The following FHDC1 variants were observed in gnomAD, a reference collection of about 807,000 sequenced individuals.
The protein encoded by FHDC1 is FH2 domain-containing protein 1.
A neutral mutation model predicts 52.6 loss-of-function variants in FHDC1; 25 were observed. The observed-to-expected ratio is 0.48, with a 90% CI of 0.35 to 0.66. The LOEUF (loss-of-function observed/expected upper bound fraction) is 0.66, where lower values mean the gene tolerates loss of function less well. Ranked by LOEUF, FHDC1 falls within the 30% of genes least tolerant of loss-of-function variation. FHDC1 has a pLI of 0.01. For synonymous variants in FHDC1, 616 were observed against 581.5 expected (o/e 1.06, Z -0.85); for missense variants, 1,459 against 1,452.8 (o/e 1.00, Z -0.07).
At position 152,977,039 on chromosome 4, in the gene FHDC1, T is replaced by A; in HGVS notation, c.*316T>A. On this transcript the variant is annotated 3_prime_UTR_variant, in exon 12 of 12. Transcript: ENST00000511601. ...GTAGGAGTGTAAAGTGACATTCTTA[T>A]GAAACAAGTCAAAAAAGTTTTTTTC... 4.3e-6 allele frequency: 1 copy of A among 230,518 alleles called. No homozygotes were observed. The highest frequency in any genetic ancestry group is 8.3e-6 in the Non-Finnish European group (1 of 120,870). The allele number at this position is 230,518 out of a possible 1,614,324, so 14.3% of individuals were successfully genotyped here.
chr4:152,973,194 T>A (rs945728314), intron 11 of FHDC1, among the ~76,000 whole-genome samples: 2 of 152,244 alleles, frequency 1.3e-5, no homozygotes, highest in African/African-American at 4.8e-5. Context: ...AGTAAAACTT[T>A]AATTCATCAA....
intron 1 of FHDC1, among the ~76,000 whole-genome samples, chr4:152,936,848 G>A (rs556225749): frequency 1.3e-5 from 2 of 152,392 alleles, no homozygotes; most frequent in South Asian, 4.1e-4. Flanking sequence ...CGCACGGAAT[G>A]CGCAGCCGCG....
chr4:152,940,383 A>C (rs1256077369), intron 1 of FHDC1, among the ~76,000 whole-genome samples: 1 of 152,254 alleles, frequency 6.6e-6, no homozygotes, highest in African/African-American at 2.4e-5. Flanking sequence ...ACATTCTTTT[A>C]CATGGGGCAT....
chr4:152,917,742 C>A, the FHDC1 span, among the ~76,000 whole-genome samples: 2,422 of 152,248 alleles, frequency 0.016, 60 homozygotes, highest in African/African-American at 0.055. Flanking sequence ...GGTCAGCTTG[C>A]CTGTGTTGAC....
At chr4:152,958,810 A>G (rs571971543) in intron 4 of FHDC1, among the ~76,000 whole-genome samples, 3 of 152,232 alleles carry the variant, frequency 2.0e-5, no homozygotes, top group Non-Finnish European at 2.9e-5. Context: ...CAGAAGTGCC[A>G]TGTGCCCTTA....
At chr4:152,973,460 T>C (rs1740737218) in intron 11 of FHDC1, among the ~76,000 whole-genome samples, 1 of 152,204 alleles carries the variant, frequency 6.6e-6, no homozygotes, top group African/African-American at 2.4e-5. Context: ...AGCTCAGCTG[T>C]GGGAGGCAGT....
At chr4:152,940,020 G>T (rs1247070396) in intron 1 of FHDC1, among the ~76,000 whole-genome samples, 5 of 152,356 alleles carry the variant, frequency 3.3e-5, no homozygotes, top group African/African-American at 1.2e-4. Context: ...AGCGTACCTG[G>T]AGAGTGTGTG....
upstream of FHDC1, among the ~76,000 whole-genome samples, chr4:152,935,886 C>T (rs1343346571): frequency 2.6e-5 from 4 of 152,074 alleles, no homozygotes; most frequent in East Asian, 7.7e-4. Context: ...CCCGTGTGCA[C>T]AAGAGAGGGT....
Position 152,975,993 on chromosome 4 carries a change from G to A in FHDC1, c.2702G>A (p.Ser901Asn), listed in dbSNP as rs768954763. ...ACCCTGACCGCCTCAGAGAACGAGA[G>A]CATGCGCAAGGTCATGCCCATCACC... is the stretch of plus-strand genomic sequence containing the variant. ...VRTLTASENE[S>N]MRKVMPITKS... Residue 901 changes from serine (S) to asparagine (N), a missense_variant, in exon 12 of 12, where the codon AGC becomes AAC. Ser to Asn is a conservative substitution (Grantham distance 46). This residue lies in a region of FHDC1 where 939 missense variants were observed against 854.5 expected (regional missense o/e 1.10). Transcript: ENST00000511601. 31 of 1,527,264 alleles carry A rather than the reference G, an allele frequency of 2.0e-5. No individual in the cohort carries two copies. The South Asian group carries it at 2.3e-4, about 12-fold the overall frequency. The allele number at this position is 1,527,264 out of a possible 1,614,324, so 94.6% of individuals were successfully genotyped here.
chr4:152,923,446 T>C, the FHDC1 span, among the ~76,000 whole-genome samples: 1 of 152,170 alleles, frequency 6.6e-6, no homozygotes, highest in Non-Finnish European at 1.5e-5. Context: ...AGGTAATTTA[T>C]AGATTCAGTG....
chr4:152,960,610 C>T lies in FHDC1; in HGVS notation c.709C>T (p.Leu237=). The T allele has an allele frequency of 1.9e-6, 3 of 1,614,162 alleles. No individual in the cohort carries two copies. The highest frequency in any genetic ancestry group is 2.5e-6 in the Non-Finnish European group (3 of 1,180,040). The change falls in exon 5 of 12, where the codon CTG becomes TTG. Residue 237 remains leucine, a synonymous_variant. Coordinates refer to ENST00000511601, the MANE Select transcript of FHDC1 (RefSeq NM_001371116.1). ...TAGTGGCGACGTGTCGAAGCTGTCTCTGGCAGATTCCTTTCTGTATGGCTT... is the reference window on the plus strand; with the variant it reads ...TAGTGGCGACGTGTCGAAGCTGTCTTTGGCAGATTCCTTTCTGTATGGCTT... The part of the protein sequence containing the change: ...AFSGDVSKLS[L]ADSFLYGLIQ...
At position 152,952,030 on chromosome 4, in the gene FHDC1, AAAAC is replaced by A. The variant is rs368536866; in HGVS notation, c.499-1449_499-1446del. Among the ~76,000 whole-genome samples the A allele has an allele frequency of 5.2e-4, 79 of 152,278 alleles. 1 individual carries two copies. Among genetic ancestry groups the A allele is most frequent in the South Asian group, 3.3e-3 (16 of 4,826 alleles). On this transcript the variant is annotated intron_variant, in intron 2 of 11. Coordinates refer to ENST00000511601, the MANE Select transcript of FHDC1 (RefSeq NM_001371116.1). The stretch of plus-strand genomic sequence containing the variant: ...TGATTCCAGAGATCAGAAAAATGCA[AAAAC>A]AAACAAACAAACAAACAAAAAAGTA...
chr4:152,960,665 G>T lies in FHDC1; in HGVS notation c.749+15G>T, dbSNP rs376255247. 3 of 1,613,528 alleles carry T rather than the reference G, an allele frequency of 1.9e-6. No individual in the cohort carries two copies. The highest frequency in any genetic ancestry group is 2.7e-5 in the African/African-American group (2 of 74,884). Reference sequence around the variant, plus strand: ...CAGGTGCCAAAGTAAGGATACAGTCGCTGGTTATTATTCTTCACGCAGTAA... The same window carrying T: ...CAGGTGCCAAAGTAAGGATACAGTCTCTGGTTATTATTCTTCACGCAGTAA... On this transcript the variant is annotated intron_variant, in intron 5 of 11. Coordinates refer to ENST00000511601, the MANE Select transcript of FHDC1 (RefSeq NM_001371116.1).
rs1740890972 is a variant in FHDC1, at chr4:152,976,489, G to A, written c.3198G>A (p.Gln1066=). The A allele has an allele frequency of 5.0e-6, 8 of 1,613,538 alleles. No homozygotes were observed. The highest frequency in any genetic ancestry group is 5.1e-6 in the Non-Finnish European group (6 of 1,180,040). ...CCGGCATCACTCGGACAGTGTCGCA[G>A]CGGCAGCTGAGGGTGAAAGGGGACC... ...KAPGITRTVS[Q]RQLRVKGDPE... Residue 1066 remains glutamine, a synonymous_variant, in exon 12 of 12, where the codon CAG becomes CAA. Transcript: ENST00000511601.
At chr4:152,953,465 T>C (rs1240057515) in intron 2 of FHDC1, 34 bp from the exon 3 acceptor site, 1 of 1,547,634 alleles carries the variant, frequency 6.5e-7, no homozygotes, top group Non-Finnish European at 8.9e-7. Context: ...TATTTGAATT[T>C]AGTAATCCTA....
intron 4 of FHDC1, among the ~76,000 whole-genome samples, chr4:152,960,246 C>G (rs1360372270): frequency 1.3e-5 from 2 of 152,108 alleles, no homozygotes; most frequent in African/African-American, 4.8e-5. Context: ...ATCCTTAGAA[C>G]TGATTCCTTT....
chr4:152,917,200 G>A, the FHDC1 span: 1 of 152,146 alleles, frequency 6.6e-6, no homozygotes, highest in Non-Finnish European at 1.5e-5. Flanking sequence ...AATAATGATG[G>A]TTTTTTCTGT....
upstream of FHDC1, among the ~76,000 whole-genome samples, chr4:152,932,939 G>T (rs6828401): frequency 6.6e-6 from 1 of 152,238 alleles, no homozygotes; most frequent in Non-Finnish European, 1.5e-5. Context: ...AATAAACTGG[G>T]TGTAGGAAAT....
At chr4:152,925,570 G>C in the FHDC1 span, among the ~76,000 whole-genome samples, 1 of 152,130 alleles carries the variant, frequency 6.6e-6, no homozygotes, top group Non-Finnish European at 1.5e-5. Context: ...TCTATCATAG[G>C]ATTGTATAAG....
Sources: allele counts gnomAD v4.1 joint callset (sites outside exome capture counted in the v4.1 genomes callset), GRCh38; gene constraint gnomAD v4.1.1; regional missense constraint gnomAD v4.1.1; transcripts MANE v1.5; gene names NCBI Gene and HGNC (gene_info 2026-07-23, HGNC 2026-07-21).